LUZP2: variants seen among roughly 807,000 people sequenced by gnomAD.
The protein encoded by LUZP2 is leucine zipper protein 2.
Under a neutral mutation model 51.6 loss-of-function variants are expected in LUZP2, and 52 were observed. The observed-to-expected ratio is 1.01, with a 90% CI of 0.81 to 1.27. LUZP2 has a LOEUF of 1.27. Among genes scored for constraint, LUZP2 ranks in the 50% most tolerant of loss-of-function variants. The probability of loss-of-function intolerance (pLI) is 0.00; values close to 1 mark genes in which losing one functional copy is unlikely to be tolerated. For missense variants in LUZP2, 436 were observed against 395.4 expected, an observed-to-expected ratio of 1.10 and a Z score of -0.87; for synonymous variants, 154 against 137.3, an observed-to-expected ratio of 1.12 and a Z score of -0.85.
rs140657177 is a variant in LUZP2, at chr11:24,515,942, A to G, written c.62+18637A>G. 3.2e-3 allele frequency among the ~76,000 whole-genome samples: 489 copies of G among 152,130 alleles called. 1 individual carries two copies. Among genetic ancestry groups the G allele is most frequent in the African/African-American group, 0.011 (465 of 41,508 alleles). On this transcript the variant is annotated intron_variant, in intron 1 of 11. Coordinates refer to ENST00000336930, the MANE Select transcript of LUZP2 (RefSeq NM_001009909.4). ...TTTTTTCTTTCTTATGAAAGTTCTC[A>G]TTTATCCCTGATAAATCAGCTTTCC...
chr11:24,874,898 C>G (rs1852195794), intron 5 of LUZP2, among the ~76,000 whole-genome samples: 1 of 151,962 alleles, frequency 6.6e-6, no homozygotes, highest in Non-Finnish European at 1.5e-5. Flanking sequence ...AGTTTTTTCC[C>G]AAAATAGCTC....
intron 1 of LUZP2, among the ~76,000 whole-genome samples, chr11:24,542,305 G>A (rs557908153): frequency 5.7e-4 from 87 of 152,168 alleles, no homozygotes; most frequent in Middle Eastern, 3.4e-3. Flanking sequence ...GAATCATGGA[G>A]GAGCCCAGTG....
intron 7 of LUZP2, among the ~76,000 whole-genome samples, chr11:24,957,411 T>A (rs946936675): frequency 6.6e-6 from 1 of 152,070 alleles, no homozygotes; most frequent in Non-Finnish European, 1.5e-5. Context: ...TGTATCATAA[T>A]ATTTACTATA....
chr11:24,527,713 C>A (rs1204103765), intron 1 of LUZP2, among the ~76,000 whole-genome samples: 1 of 151,158 alleles, frequency 6.6e-6, no homozygotes, highest in African/African-American at 2.4e-5. Flanking sequence ...TTGAGAAAAT[C>A]AGACTTTACA....
chr11:24,557,741 G>A (rs1851914478), intron 1 of LUZP2, among the ~76,000 whole-genome samples: 1 of 152,094 alleles, frequency 6.6e-6, no homozygotes, highest in Non-Finnish European at 1.5e-5. Flanking sequence ...AAATAAATCT[G>A]TTACATTTTT....
At chr11:24,762,425 T>C (rs1565123586) in intron 4 of LUZP2, among the ~76,000 whole-genome samples, 1 of 152,166 alleles carries the variant, frequency 6.6e-6, no homozygotes, top group Non-Finnish European at 1.5e-5. Context: ...CCAAATAATA[T>C]TTTGAATATA....
At chr11:24,761,307 C>G (rs1355516722) in intron 4 of LUZP2, among the ~76,000 whole-genome samples, 2 of 152,086 alleles carry the variant, frequency 1.3e-5, no homozygotes, top group Non-Finnish European at 2.9e-5. Flanking sequence ...ATGCTACATA[C>G]TTTTAAACAA....
intron 5 of LUZP2, among the ~76,000 whole-genome samples, chr11:24,818,197 G>T (rs1850242377): frequency 6.6e-6 from 1 of 152,144 alleles, no homozygotes; most frequent in South Asian, 2.1e-4. Flanking sequence ...TGACAAGATG[G>T]ATGATCCGTC....
At chr11:25,075,855 A>G (rs982915362) in intron 10 of LUZP2, among the ~76,000 whole-genome samples, 24 of 152,192 alleles carry the variant, frequency 1.6e-4, no homozygotes, top group African/African-American at 5.3e-4. Context: ...TTAATCTACT[A>G]TAAACCTTTT....
At chr11:25,072,307 C>T (rs2134056498) in intron 10 of LUZP2, among the ~76,000 whole-genome samples, 1 of 152,168 alleles carries the variant, frequency 6.6e-6, no homozygotes, top group Non-Finnish European at 1.5e-5. Context: ...GTATAACCTC[C>T]ACTGACATCA....
chr11:24,805,053 C>A (rs1014954119), intron 5 of LUZP2, among the ~76,000 whole-genome samples: 4 of 147,780 alleles, frequency 2.7e-5, no homozygotes, highest in Non-Finnish European at 6.0e-5. Flanking sequence ...ATGTATTAGA[C>A]TTTTCATGCT....
chr11:24,991,392 GTGTGTATA>G (rs1396731307), intron 9 of LUZP2, among the ~76,000 whole-genome samples: 2 of 104,554 alleles, frequency 1.9e-5, no homozygotes, highest in Non-Finnish European at 3.9e-5. Flanking sequence ...GTGTGTGTGT[GTGTGTATA>G]TATATATATA....
chr11:24,865,917 C>T (rs1439844959), intron 5 of LUZP2, among the ~76,000 whole-genome samples: 3 of 151,852 alleles, frequency 2.0e-5, no homozygotes, highest in Non-Finnish European at 4.4e-5. Context: ...TCAAGCAATT[C>T]TCCTGCCTCA....
At chr11:24,668,275 A>C (rs1263749454) in intron 1 of LUZP2, among the ~76,000 whole-genome samples, 1 of 152,226 alleles carries the variant, frequency 6.6e-6, no homozygotes, top group Non-Finnish European at 1.5e-5. Flanking sequence ...TGAAGCATAA[A>C]GGGAATTTAC....
intron 1 of LUZP2, among the ~76,000 whole-genome samples, chr11:24,643,990 A>G (rs923301372): frequency 6.6e-6 from 1 of 152,142 alleles, no homozygotes; most frequent in Non-Finnish European, 1.5e-5. Context: ...AACAAATTAT[A>G]TTCTCTCTTT....
chr11:25,035,657 A>C (rs1857833570), intron 9 of LUZP2, among the ~76,000 whole-genome samples: 1 of 152,114 alleles, frequency 6.6e-6, no homozygotes, highest in Admixed American at 6.6e-5. Flanking sequence ...AACTATCAAC[A>C]TCTAAGGACA....
intron 9 of LUZP2, among the ~76,000 whole-genome samples, chr11:25,036,865 T>C (rs1482163997): frequency 6.6e-6 from 1 of 152,150 alleles, no homozygotes; most frequent in Non-Finnish European, 1.5e-5. Context: ...CGAGGCTTGC[T>C]TTATTATTGA....
chr11:24,871,691 A>G (rs1034648103), intron 5 of LUZP2, among the ~76,000 whole-genome samples: 6 of 152,088 alleles, frequency 3.9e-5, no homozygotes, highest in African/African-American at 1.4e-4. Context: ...TGTTATTTCT[A>G]TGAATCTTTC....
chr11:24,707,483 A>G (rs571289857), intron 1 of LUZP2, among the ~76,000 whole-genome samples: 3 of 152,282 alleles, frequency 2.0e-5, no homozygotes, highest in African/African-American at 7.2e-5. Flanking sequence ...TACTCCAGAG[A>G]TACTAGAACT....
Sources: allele counts gnomAD v4.1 joint callset (sites outside exome capture counted in the v4.1 genomes callset), GRCh38; gene constraint gnomAD v4.1.1; transcripts MANE v1.5; gene names NCBI Gene and HGNC (gene_info 2026-07-23, HGNC 2026-07-21).